PTPN23: variants seen among roughly 807,000 people sequenced by gnomAD.
PTPN23 encodes the protein protein tyrosine phosphatase non-receptor type 23, also known as tyrosine-protein phosphatase non-receptor type 23.
A neutral mutation model predicts 156.3 loss-of-function variants in PTPN23; 72 were observed. The observed-to-expected ratio is 0.46, with a 90% confidence interval of 0.38 to 0.56. The LOEUF is 0.56. Among genes scored for constraint, PTPN23 ranks in the 20% least tolerant of loss-of-function variants. The pLI, the probability that PTPN23 is intolerant of heterozygous loss-of-function variation, is 0.00. For missense variants in PTPN23, 1,974 were observed against 2,171.5 expected, an observed-to-expected ratio of 0.91 and a Z score of 1.81; for synonymous variants, 957 against 899.6, an observed-to-expected ratio of 1.06 and a Z score of -1.14.
rs776195768 is a variant in PTPN23, at chr3:47,412,164, C to T, written c.4144C>T (p.Arg1382Trp). ...QEVHAHYLHQ[R>W]PLHTPIIVHC... ...GGTGCACGCACATTACCTGCATCAG[C>T]GGCCGCTGCACACGCCCATCATTGT... is the stretch of plus-strand genomic sequence containing the variant. Residue 1382 changes from arginine to tryptophan, a missense_variant, in exon 22 of 25, where the codon CGG becomes TGG. Arg to Trp is a moderately radical substitution (Grantham distance 101). Transcript: ENST00000265562. 3.1e-6 allele frequency: 5 copies of T among 1,613,082 alleles called. No homozygotes were observed. The highest frequency in any genetic ancestry group is 1.1e-5 in the South Asian group (1 of 91,092).
Position 47,411,094 on chromosome 3 carries a change from C to A in PTPN23, c.3296C>A (p.Pro1099His). The change falls in exon 20 of 25, where the codon CCT becomes CAT. Residue 1099 changes from proline to histidine, a missense_variant. Pro to His is a moderately conservative substitution (Grantham distance 77). Transcript: ENST00000265562. This position sits in a 1 kb window ranked among gnomAD's most constrained non-coding sequence, Gnocchi z 6.3. Reference protein sequence around the residue: ...APSPGPGPVPPRPPAAEPPPC... With the variant: ...APSPGPGPVPHRPPAAEPPPC... ...TCTCCAGGGCCTGGTCCGGTACCCCCTCGCCCCCCAGCAGCAGAACCACCC... is the reference window on the plus strand; with the variant it reads ...TCTCCAGGGCCTGGTCCGGTACCCCATCGCCCCCCAGCAGCAGAACCACCC... The A allele has an allele frequency of 6.3e-7, 1 of 1,598,606 alleles. No individual in the cohort carries two copies. Among genetic ancestry groups the A allele is most frequent in the Admixed American group, 1.7e-5 (1 of 58,980 alleles).
At chr3:47,384,836 C>A (rs1704621757) in intron 1 of PTPN23, among the ~76,000 whole-genome samples, 1 of 151,912 alleles carries the variant, frequency 6.6e-6, no homozygotes, top group African/African-American at 2.4e-5. Flanking sequence ...CATCTTGGCT[C>A]ACCACAACCT....
rs758415729 is a variant in PTPN23 at position 47,405,917 on chromosome 3, C to T, written c.417C>T (p.Gly139=). 6.2e-7 allele frequency: 1 copy of T among 1,613,690 alleles called. No individual in the cohort carries two copies. Among genetic ancestry groups the T allele is most frequent in the Non-Finnish European group, 8.5e-7 (1 of 1,179,774 alleles). Reference sequence around the variant, plus strand: ...GCCATCCTCCCACTCCCTCCCAGGGCATGAAGGTCTCCTGTACCCATTTCC... The same window carrying T: ...GCCATCCTCCCACTCCCTCCCAGGGTATGAAGGTCTCCTGTACCCATTTCC... ...GAMDKRVSEE[G]MKVSCTHFQC... Residue 139 remains glycine, a splice_region_variant and synonymous_variant, in exon 6 of 25, where the codon GGC becomes GGT. Transcript: ENST00000265562. This position sits in a 1 kb window ranked among gnomAD's most constrained non-coding sequence, Gnocchi z 4.7.
At position 47,410,832 on chromosome 3, in the gene PTPN23, C is replaced by A. The variant is rs374554596; in HGVS notation, c.3034C>A (p.Pro1012Thr). ...PQPGVLGQPP[P>T]PLHTQLYPGP... ...GCCTGGGGTCCTGGGGCAGCCGCCA[C>A]CCCCCCTACACACCCAGCTCTACCC... The change falls in exon 20 of 25, where the codon CCC (proline) becomes ACC (threonine). Residue 1012 changes from proline to threonine, a missense_variant. Physicochemically the swap from Pro to Thr is conservative, Grantham distance 38 (BLOSUM62 -1). Coordinates refer to ENST00000265562, the MANE Select transcript of PTPN23 (RefSeq NM_015466.4). 8 of 1,593,428 alleles carry A rather than the reference C, an allele frequency of 5.0e-6. No individual in the cohort carries two copies. The African/African-American group carries it at 5.4e-5, about 11-fold the overall frequency.
At chr3:47,408,031 T>C in intron 14 of PTPN23, 76 bp downstream of exon 14, 1 of 1,498,322 alleles carries the variant, frequency 6.7e-7, no homozygotes, top group East Asian at 2.4e-5. Flanking sequence ...GGGCTGCCTA[T>C]GCTGGGAGAG....
rs537848439 is a variant in PTPN23, at chr3:47,405,161, G to A, written c.364+80G>A. 1.5e-6 allele frequency: 2 copies of A among 1,343,316 alleles called. No individual in the cohort carries two copies. Among genetic ancestry groups the A allele is most frequent in the East Asian group, 4.6e-5 (2 of 43,424 alleles). 83.2% of individuals were successfully genotyped at this position (1,343,316 alleles called of 1,614,324 possible). On this transcript the variant is annotated intron_variant, in intron 4 of 24. Coordinates refer to ENST00000265562, the MANE Select transcript of PTPN23 (RefSeq NM_015466.4). The surrounding 1 kb of genome is among the most constrained non-coding windows in gnomAD (Gnocchi z 4.7). ...TTTCAGCTCTTCAGATGGCCACAAA[G>A]GCAGTGGGCTGATAAAGGGAGGACT...
chr3:47,389,307 C>T (rs1704719791), intron 1 of PTPN23, among the ~76,000 whole-genome samples: 1 of 152,120 alleles, frequency 6.6e-6, no homozygotes. Context: ...CCCCATTTTA[C>T]ACATGAAAAA....
At chr3:47,381,647 A>C (rs1704541600) in intron 1 of PTPN23, among the ~76,000 whole-genome samples, 1 of 152,112 alleles carries the variant, frequency 6.6e-6, no homozygotes, top group Non-Finnish European at 1.5e-5. Flanking sequence ...CGTGTGTTTA[A>C]GACGTGAGCC....
rs753747782 is a variant in PTPN23, at chr3:47,411,602, C to T, written c.3804C>T (p.Gly1268=). The T allele has an allele frequency of 1.9e-6, 3 of 1,612,496 alleles. No homozygotes were observed. Among genetic ancestry groups the T allele is most frequent in the Non-Finnish European group, 2.5e-6 (3 of 1,179,944 alleles). ...TGGCAACCCAGGCCCCACTGCCTGG[C>T]ACAGCTGCTGACTTCTGGCTCATGG... ...PLVATQAPLP[G]TAADFWLMVH... The change falls in exon 20 of 25, where the codon GGC becomes GGT. Residue 1268 remains glycine (G), a synonymous_variant. Transcript: ENST00000265562. The surrounding 1 kb of genome is among the most constrained non-coding windows in gnomAD (Gnocchi z 6.3).
Position 47,406,846 on chromosome 3 carries a change from C to A in PTPN23, c.807+96C>A. ...CTTACACACCAGGGGGTGGCCTTCT[C>A]TGTCTCACCCTGGCCATCACCCTGC... is the stretch of plus-strand genomic sequence containing the variant. On this transcript the variant is annotated intron_variant, in intron 9 of 24. Coordinates refer to ENST00000265562, the MANE Select transcript of PTPN23 (RefSeq NM_015466.4). The surrounding 1 kb of genome is among the most constrained non-coding windows in gnomAD (Gnocchi z 5.8). 6.8e-7 allele frequency: 1 copy of A among 1,471,760 alleles called. No individual in the cohort carries two copies. Among genetic ancestry groups the A allele is most frequent in the South Asian group, 1.2e-5 (1 of 82,874 alleles). The allele number at this position is 1,471,760 out of a possible 1,614,324, so 91.2% of individuals were successfully genotyped here. A position where few individuals can be genotyped will look rare whatever the true frequency, so the allele number is the denominator to read the frequency against.
chr3:47,412,242 C>T (rs544749906), intron 22 of PTPN23, 41 bp from the exon 23 acceptor site: 5 of 1,613,226 alleles, frequency 3.1e-6, no homozygotes, highest in Non-Finnish European at 4.2e-6. Context: ...GGCTCTTGGC[C>T]TAGCCTCATA....
At position 47,410,150 on chromosome 3, in the gene PTPN23, C is replaced by T. The variant is rs769439312; in HGVS notation, c.2352C>T (p.Pro784=). 47 of 1,593,382 alleles carry T rather than the reference C, an allele frequency of 2.9e-5. No homozygotes were observed. The highest frequency in any genetic ancestry group is 1.7e-4 in the Middle Eastern group (1 of 5,966). The change falls in exon 20 of 25, where the codon CCC becomes CCT. Residue 784 remains proline, a synonymous_variant. Transcript: ENST00000265562. ...TCCCCAGCTCCACAGGCCCAGGACC[C>T]CACTATCTCTCAGGCCCCTTGCCCC... ...SPFPSSTGPG[P]HYLSGPLPPG...
rs199646896 is a variant in PTPN23 at position 47,412,435 on chromosome 3, C to T, written c.4317+14C>T. The T allele has an allele frequency of 3.1e-6, 5 of 1,612,428 alleles. No individual in the cohort carries two copies. The highest frequency in any genetic ancestry group is 1.3e-5 in the African/African-American group (1 of 75,046). ...CTGCAGGAGAAGGTGAGGATCTGGG[C>T]AGATGGGGCTGGGATGGGCCTTCTG... is the stretch of plus-strand genomic sequence containing the variant. On this transcript the variant is annotated intron_variant, in intron 23 of 24. Transcript: ENST00000265562.
Position 47,408,465 on chromosome 3 carries a change from CA to C in PTPN23, c.1306del (p.Arg436GlyfsTer21). ...AALSVRPDTV[R>X]NLVQSMQVLS... is the part of the protein sequence containing the mutation. ...CTCTCAGCGTCCGGCCCGACACTGTCAGGAACCTTGTACAGTCCATGCAAGG... is the reference window on the plus strand; with the variant it reads ...CTCTCAGCGTCCGGCCCGACACTGTCGGAACCTTGTACAGTCCATGCAAGG... On this transcript the variant is annotated frameshift_variant, in exon 15 of 25. Coordinates refer to ENST00000265562, the MANE Select transcript of PTPN23 (RefSeq NM_015466.4). LOFTEE classifies it high-confidence loss of function. 1 of 1,613,982 alleles carries C rather than the reference CA, an allele frequency of 6.2e-7. No homozygotes were observed. The highest frequency in any genetic ancestry group is 8.5e-7 in the Non-Finnish European group (1 of 1,179,912).
At chr3:47,408,118 G>A (rs1338469145) in intron 14 of PTPN23, among the ~76,000 whole-genome samples, 163 bp downstream of exon 14, 1 of 152,184 alleles carries the variant, frequency 6.6e-6, no homozygotes, top group Admixed American at 6.5e-5. Flanking sequence ...GTGTAAGGCA[G>A]GAGTCATGTC....
chr3:47,409,677 C>T lies in PTPN23; in HGVS notation c.1972C>T (p.Leu658=), dbSNP rs773156485. 6.2e-7 allele frequency: 1 copy of T among 1,611,178 alleles called. No homozygotes were observed. The highest frequency in any genetic ancestry group is 8.5e-7 in the Non-Finnish European group (1 of 1,179,814). The change falls in exon 19 of 25, where the codon CTG becomes TTG. Residue 658 remains leucine (L), a synonymous_variant. Coordinates refer to ENST00000265562, the MANE Select transcript of PTPN23 (RefSeq NM_015466.4). The stretch of plus-strand genomic sequence containing the variant: ...CAGGTGGAACTCCACGCTGCAGACC[C>T]TGGTGGCCTCGTATGAAGCCTATGA... ...DQKWNSTLQT[L]VASYEAYEDL... is the part of the protein sequence containing the mutation.
Position 47,406,783 on chromosome 3 carries a change from A to G in PTPN23, c.807+33A>G, listed in dbSNP as rs1429253011. 1.4e-5 allele frequency: 22 copies of G among 1,612,538 alleles called. No individual in the cohort carries two copies. Among genetic ancestry groups the G allele is most frequent in the Non-Finnish European group, 1.7e-5 (20 of 1,179,594 alleles). Reference sequence around the variant, plus strand: ...ACAGCGAGGAGGGGACTGGGGACCAATGGCAGCCTTCAGTGAGATGCCGGT... The same window carrying G: ...ACAGCGAGGAGGGGACTGGGGACCAGTGGCAGCCTTCAGTGAGATGCCGGT... On this transcript the variant is annotated intron_variant, in intron 9 of 24. Coordinates refer to ENST00000265562, the MANE Select transcript of PTPN23 (RefSeq NM_015466.4). This position sits in a 1 kb window ranked among gnomAD's most constrained non-coding sequence, Gnocchi z 5.8.
Position 47,413,406 on chromosome 3 carries a change from T to C in PTPN23, c.*221T>C. ...GACCCGACATTTTTCAGCTCTTTGC[T>C]ATTGAAATAATAAACCACCCTGTTC... is the stretch of plus-strand genomic sequence containing the variant. On this transcript the variant is annotated 3_prime_UTR_variant, in exon 25 of 25. Coordinates refer to ENST00000265562, the MANE Select transcript of PTPN23 (RefSeq NM_015466.4). The C allele has an allele frequency of 1.6e-6, 1 of 611,758 alleles. No individual in the cohort carries two copies. The highest frequency in any genetic ancestry group is 2.7e-6 in the Non-Finnish European group (1 of 364,610). 37.9% of individuals were successfully genotyped at this position (611,758 alleles called of 1,614,324 possible).
Position 47,413,268 on chromosome 3 carries a change from G to A in PTPN23, c.*83G>A. 6.6e-7 allele frequency: 1 copy of A among 1,514,654 alleles called. No homozygotes were observed. The highest frequency in any genetic ancestry group is 8.9e-7 in the Non-Finnish European group (1 of 1,119,792). The allele number at this position is 1,514,654 out of a possible 1,614,324, so 93.8% of individuals were successfully genotyped here. On this transcript the variant is annotated 3_prime_UTR_variant, in exon 25 of 25. Coordinates refer to ENST00000265562, the MANE Select transcript of PTPN23 (RefSeq NM_015466.4). ...CCACACCCAGCAGAGCTTCTCAGTG[G>A]GCACAGTCTCTTACTCCCATTTCTG...
Sources: allele counts gnomAD v4.1 joint callset (sites outside exome capture counted in the v4.1 genomes callset), GRCh38; gene constraint gnomAD v4.1.1; non-coding constraint Gnocchi (gnomAD v3.1); transcripts MANE v1.5; gene names NCBI Gene and HGNC (gene_info 2026-07-23, HGNC 2026-07-21).